COPG2: variants seen among roughly 807,000 people sequenced by gnomAD.
The protein encoded by COPG2 is coat protein complex I subunit gamma 2.
Under a neutral mutation model 46.3 loss-of-function variants are expected in COPG2, and 37 were observed. The ratio of observed to expected loss-of-function variants is 0.80; its 90% confidence interval spans 0.61 to 1.05. The LOEUF is 1.05. Among genes scored for constraint, COPG2 ranks in the 50% least tolerant of loss-of-function variants. COPG2 has a pLI of 0.00. For missense variants in COPG2, 427 were observed against 387.8 expected (o/e 1.10, Z -0.85); for synonymous variants, 159 against 129.7 (o/e 1.23, Z -1.53).
chr7:130,656,173 C>CT (rs1795848498), intron 4 of COPG2, among the ~76,000 whole-genome samples: 1 of 150,770 alleles, frequency 6.6e-6, no homozygotes, highest in African/African-American at 2.4e-5. Flanking sequence ...TTCTCTTCCT[C>CT]TTTTTTTCCC....
At chr7:130,586,266 T>C (rs1299473076) in intron 9 of COPG2, among the ~76,000 whole-genome samples, 1 of 151,946 alleles carries the variant, frequency 6.6e-6, no homozygotes, top group African/African-American at 2.4e-5. Context: ...AGCTAAGCTA[T>C]GAGGACTCAA....
chr7:130,634,221 A>G (rs558625807), intron 5 of COPG2, among the ~76,000 whole-genome samples: 1 of 152,250 alleles, frequency 6.6e-6, no homozygotes, highest in African/African-American at 2.4e-5. Context: ...TTGGTTCCAT[A>G]TGAAATTTAA....
chr7:130,557,977 A>T (rs1563043088), intron 12 of COPG2, among the ~76,000 whole-genome samples: 1 of 151,708 alleles, frequency 6.6e-6, no homozygotes, highest in Non-Finnish European at 1.5e-5. Context: ...TAGAAAAGAC[A>T]CTCCAGAAAC....
In COPG2 at chr7:130,621,673, G is replaced by A. The variant is rs768927466; in HGVS notation, c.324-4608C>T. Among the ~76,000 whole-genome samples, 5 of 151,886 alleles carry A rather than the reference G, an allele frequency of 3.3e-5. No individual in the cohort carries two copies. The South Asian group carries it at 6.2e-4, about 19-fold the overall frequency. ...AAAATATAAAAAACTGGCCAGACGCGGTGGCTCACACCTGTAATCCCAGCA... is the reference window on the plus strand; with the variant it reads ...AAAATATAAAAAACTGGCCAGACGCAGTGGCTCACACCTGTAATCCCAGCA... On this transcript the variant is annotated intron_variant, in intron 5 of 23. Coordinates refer to ENST00000425248, the MANE Select transcript of COPG2 (RefSeq NM_012133.6).
chr7:130,656,528 C>T (rs1184328869), intron 4 of COPG2, among the ~76,000 whole-genome samples: 1 of 152,076 alleles, frequency 6.6e-6, no homozygotes, highest in Non-Finnish European at 1.5e-5. Context: ...ACCTGAATGG[C>T]ATCATATATA....
intron 9 of COPG2, among the ~76,000 whole-genome samples, chr7:130,585,757 C>G (rs781953207): frequency 2.6e-5 from 4 of 151,822 alleles, no homozygotes; most frequent in Non-Finnish European, 5.9e-5. Flanking sequence ...AAATCAAAAC[C>G]ACAATGTGAT....
chr7:130,536,236 G>T (rs1799878006), intron 20 of COPG2, among the ~76,000 whole-genome samples: 1 of 152,078 alleles, frequency 6.6e-6, no homozygotes. Flanking sequence ...AGGACTGTTG[G>T]GCAGGGGGAG....
At chr7:130,561,887 T>A (rs1793727550) in intron 11 of COPG2, among the ~76,000 whole-genome samples, 1 of 152,244 alleles carries the variant, frequency 6.6e-6, no homozygotes, top group Admixed American at 6.5e-5. Flanking sequence ...GATAGTCATA[T>A]GTTTTGTGCA....
intron 5 of COPG2, among the ~76,000 whole-genome samples, chr7:130,632,126 A>G (rs1795245397): frequency 6.6e-6 from 1 of 152,162 alleles, no homozygotes; most frequent in Non-Finnish European, 1.5e-5. Flanking sequence ...ATTTACTATA[A>G]TATTTACTGT....
intron 9 of COPG2, among the ~76,000 whole-genome samples, chr7:130,578,688 C>T (rs189339823): frequency 5.9e-5 from 9 of 152,064 alleles, no homozygotes; most frequent in Admixed American, 5.2e-4. Flanking sequence ...GGCCCGAGAA[C>T]TATATGAAGA....
At chr7:130,555,533 A>T (rs1793606636) in intron 12 of COPG2, among the ~76,000 whole-genome samples, 2 of 152,344 alleles carry the variant, frequency 1.3e-5, no homozygotes, top group Non-Finnish European at 2.9e-5. Context: ...CACAATTTTA[A>T]AGACCAGTGT....
rs1006231836 is a variant in COPG2 at position 130,563,537 on chromosome 7, A to C, written c.872-201T>G. On this transcript the variant is annotated intron_variant, in intron 10 of 23. Transcript: ENST00000425248. ...TAGCTGAAAATATAGTACATAATGA[A>C]TCACATTCAAAATATGCATACATTT... 4.9e-3 allele frequency among the ~76,000 whole-genome samples: 750 copies of C among 151,996 alleles called. 24 individuals carry two copies. The highest frequency in any genetic ancestry group is 0.046 in the Admixed American group (709 of 15,278).
intron 9 of COPG2, among the ~76,000 whole-genome samples, chr7:130,609,049 G>C (rs1794789892): frequency 1.3e-5 from 2 of 151,900 alleles, no homozygotes; most frequent in East Asian, 1.9e-4. Context: ...GCTAATTTTT[G>C]TATTTTCTTC....
chr7:130,587,787 A>G (rs1794304546), intron 9 of COPG2, among the ~76,000 whole-genome samples: 1 of 152,228 alleles, frequency 6.6e-6, no homozygotes, highest in African/African-American at 2.4e-5. Flanking sequence ...GCCAAAATTG[A>G]CAAATGGGAT....
At chr7:130,587,826 C>A (rs1794305104) in intron 9 of COPG2, among the ~76,000 whole-genome samples, 2 of 152,032 alleles carry the variant, frequency 1.3e-5, no homozygotes, top group South Asian at 4.2e-4. Flanking sequence ...TTCAGCACAG[C>A]AAAAGAAACC....
At chr7:130,649,177 G>A (rs535017657) in intron 5 of COPG2, among the ~76,000 whole-genome samples, 1 of 152,310 alleles carries the variant, frequency 6.6e-6, no homozygotes, top group East Asian at 1.9e-4. Context: ...AGTGTTTTGT[G>A]TGAGTGAATG....
intron 9 of COPG2, chr7:130,603,954 A>G: frequency 4.5e-6 from 2 of 444,326 alleles, no homozygotes; most frequent in Non-Finnish European, 9.0e-6. Flanking sequence ...TGTAATATAT[A>G]TTGTATTCTT....
intron 9 of COPG2, among the ~76,000 whole-genome samples, chr7:130,568,429 C>T (rs928914248): frequency 2.0e-5 from 3 of 152,062 alleles, no homozygotes; most frequent in East Asian, 1.9e-4. Context: ...TCAGACAAAA[C>T]GGACTTTAAA....
Position 130,559,986 on chromosome 7 carries a change from A to C in COPG2, c.1128+1047T>G, listed in dbSNP as rs1034106678. Among the ~76,000 whole-genome samples the C allele has an allele frequency of 9.2e-5, 14 of 152,318 alleles. No homozygotes were observed. In the East Asian group the frequency reaches 1.3e-3, roughly 15 times the overall value. ...TCTCTGACATACTCTCACCAGTTCT[A>C]TTCAACCCTGTTCTGGAAGTACTTT... On this transcript the variant is annotated intron_variant, in intron 12 of 23. Transcript: ENST00000425248.
Sources: allele counts gnomAD v4.1 joint callset (sites outside exome capture counted in the v4.1 genomes callset), GRCh38; gene constraint gnomAD v4.1.1; transcripts MANE v1.5; gene names NCBI Gene and HGNC (gene_info 2026-07-23, HGNC 2026-07-21).